The following BARD1 variants were observed in gnomAD, a reference collection of about 807,000 sequenced individuals.
BARD1 encodes BRCA1-associated RING domain protein 1.
In BARD1, 73 loss-of-function variants were observed where a neutral mutation model predicts 77.0. The ratio of observed to expected loss-of-function variants is 0.95; its 90% CI spans 0.79 to 1.15. The LOEUF (loss-of-function observed/expected upper bound fraction) is 1.15, where lower values mean the gene tolerates loss of function less well. Among genes scored for constraint, BARD1 ranks in the 50% most tolerant of loss-of-function variants. The pLI is 0.00. For missense variants in BARD1, 993 were observed against 938.8 expected, an observed-to-expected ratio of 1.06 and a Z score of -0.75; for synonymous variants, 384 against 338.0, an observed-to-expected ratio of 1.14 and a Z score of -1.49.
intron 3 of BARD1, among the ~76,000 whole-genome samples, chr2:214,785,890 A>G (rs1451677969): frequency 1.3e-5 from 2 of 151,996 alleles, no homozygotes; most frequent in Non-Finnish European, 2.9e-5. Context: ...GGCTTCTTAC[A>G]ATATGTTTTG....
At position 214,798,750 on chromosome 2, in the gene BARD1, C is replaced by A. The variant is rs149484853; in HGVS notation, c.159-1633G>T. 9.4e-3 allele frequency among the ~76,000 whole-genome samples: 1,282 copies of A among 136,216 alleles called. 11 individuals carry two copies. Among genetic ancestry groups the A allele is most frequent in the African/African-American group, 0.032 (1,128 of 35,780 alleles). The allele number at this position is 136,216 out of a possible 152,430, so 89.4% of individuals were successfully genotyped here. A position where few individuals can be genotyped will look rare whatever the true frequency, so the allele number is the denominator to read the frequency against. On this transcript the variant is annotated intron_variant, in intron 1 of 10. Transcript: ENST00000260947. ...ACTTCTTCCCTGCCCACTCAGGCTG[C>A]GAATAACCACTATTAAAAAAAGAAA...
intron 6 of BARD1, among the ~76,000 whole-genome samples, chr2:214,757,480 G>A (rs769896740): frequency 3.3e-5 from 5 of 152,078 alleles, no homozygotes; most frequent in South Asian, 2.1e-4. Context: ...TGAAATACTG[G>A]ATGATTTGTT....
At chr2:214,761,021 G>A (rs6751049) in intron 6 of BARD1, among the ~76,000 whole-genome samples, 61,989 of 149,594 alleles carry the variant, frequency 0.41, 12,934 homozygotes, top group South Asian at 0.5. Flanking sequence ...GGATCCACCC[G>A]CCTTGGCTTC....
At chr2:214,736,822 A>C (rs984305641) in intron 9 of BARD1, among the ~76,000 whole-genome samples, 51 of 152,254 alleles carry the variant, frequency 3.3e-4, no homozygotes, top group African/African-American at 1.1e-3. Flanking sequence ...TTATGTAGTA[A>C]GTTTCTGTAA....
intron 1 of BARD1, among the ~76,000 whole-genome samples, chr2:214,800,054 G>A (rs550097250): frequency 3.3e-5 from 5 of 152,142 alleles, no homozygotes; most frequent in East Asian, 1.9e-4. Context: ...GATGCAGTCC[G>A]TAGCCTTCCG....
chr2:214,775,948 A>ACTGT (rs1694720682), intron 4 of BARD1, among the ~76,000 whole-genome samples: 1 of 152,160 alleles, frequency 6.6e-6, no homozygotes, highest in Admixed American at 6.5e-5. Flanking sequence ...ATATAACATG[A>ACTGT]CTGTCTTCAA....
At chr2:214,776,807 C>G (rs757714340) in intron 4 of BARD1, among the ~76,000 whole-genome samples, 1 of 152,144 alleles carries the variant, frequency 6.6e-6, no homozygotes, top group Non-Finnish European at 1.5e-5. Flanking sequence ...TTCCGCATTT[C>G]TCAAGTAGCC....
chr2:214,767,725 C>A, intron 5 of BARD1, 71 bp from the exon 6 acceptor site: 1 of 1,352,434 alleles, frequency 7.4e-7, no homozygotes, highest in Non-Finnish European at 1.0e-6. Context: ...TATAATATCA[C>A]ACTTTAGAAA....
chr2:214,725,668 T>G lies in BARD1; in HGVS notation c.*3008A>C, dbSNP rs1692053936. The stretch of plus-strand genomic sequence containing the variant: ...AGACAACTTCTCAATATTTATTTAT[T>G]CATTCAGTTTGATGTGCGTATCTTT... On this transcript the variant is annotated 3_prime_UTR_variant, in exon 11 of 11. Coordinates refer to ENST00000260947, the MANE Select transcript of BARD1 (RefSeq NM_000465.4). 1 of 214,196 alleles carries G rather than the reference T, an allele frequency of 4.7e-6. No homozygotes were observed. The highest frequency in any genetic ancestry group is 2.3e-5 in the African/African-American group (1 of 44,282). The allele number at this position is 214,196 out of a possible 1,614,324, so 13.3% of individuals were successfully genotyped here.
chr2:214,771,266 G>T (rs1318696590), intron 4 of BARD1, among the ~76,000 whole-genome samples: 1 of 152,106 alleles, frequency 6.6e-6, no homozygotes, highest in Non-Finnish European at 1.5e-5. Flanking sequence ...GAAGTTACAT[G>T]CATAACATTG....
intron 9 of BARD1, 34 bp downstream of exon 9, chr2:214,745,033 T>A (rs1315897043): frequency 6.4e-7 from 1 of 1,569,102 alleles, no homozygotes; most frequent in Non-Finnish European, 8.8e-7. Context: ...ACTAGTCTAA[T>A]TCATTTCTTA....
At chr2:214,804,604 T>C (rs1476808637) in intron 1 of BARD1, among the ~76,000 whole-genome samples, 2 of 152,158 alleles carry the variant, frequency 1.3e-5, no homozygotes, top group Non-Finnish European at 2.9e-5. Context: ...GGAGAGAACT[T>C]TACAAATCAA....
At chr2:214,756,577 C>A (rs896983214) in intron 6 of BARD1, among the ~76,000 whole-genome samples, 16 of 152,132 alleles carry the variant, frequency 1.1e-4, no homozygotes, top group African/African-American at 2.9e-4. Context: ...TGGAACCAAC[C>A]CAAATGCCCA....
intron 7 of BARD1, among the ~76,000 whole-genome samples, chr2:214,749,196 A>C (rs1345517733): frequency 6.6e-6 from 1 of 151,934 alleles, no homozygotes; most frequent in African/African-American, 2.4e-5. Context: ...AAAAAAAAAA[A>C]AACTAAACAA....
At chr2:214,762,596 C>T (rs925337592) in intron 6 of BARD1, among the ~76,000 whole-genome samples, 14 of 152,248 alleles carry the variant, frequency 9.2e-5, no homozygotes, top group South Asian at 2.1e-4. Context: ...ACAAATCACT[C>T]TAACTTTTAA....
At chr2:214,731,377 A>C (rs1157594690) in intron 9 of BARD1, among the ~76,000 whole-genome samples, 1 of 152,238 alleles carries the variant, frequency 6.6e-6, no homozygotes, top group Non-Finnish European at 1.5e-5. Context: ...GGACATGGTC[A>C]GCTTCAGCTA....
At chr2:214,809,304 C>T (rs1234076040) in intron 1 of BARD1, 108 bp downstream of exon 1, 6 of 1,491,158 alleles carry the variant, frequency 4.0e-6, no homozygotes, top group Non-Finnish European at 5.5e-6. Context: ...GACCCGACTG[C>T]AGCGCGGGAA....
At chr2:214,732,227 C>G (rs1692386133) in intron 9 of BARD1, among the ~76,000 whole-genome samples, 2 of 152,160 alleles carry the variant, frequency 1.3e-5, no homozygotes, top group South Asian at 4.1e-4. Flanking sequence ...AACCACTACT[C>G]GGCATGTAAA....
At chr2:214,754,420 C>CA (rs139973120) in intron 6 of BARD1, among the ~76,000 whole-genome samples, 10,462 of 151,710 alleles carry the variant, frequency 0.069, 546 homozygotes, top group African/African-American at 0.15. Flanking sequence ...CCTTACACCT[C>CA]AAAAAAATAA....
Sources: allele counts gnomAD v4.1 joint callset (sites outside exome capture counted in the v4.1 genomes callset), GRCh38; gene constraint gnomAD v4.1.1; transcripts MANE v1.5; gene names NCBI Gene and HGNC (gene_info 2026-07-23, HGNC 2026-07-21).